ZNF267: variants seen among roughly 807,000 people sequenced by gnomAD.
The protein encoded by ZNF267 is zinc finger (C2H2).
In ZNF267, 61 loss-of-function variants were observed where a neutral mutation model predicts 71.6. That is an observed-to-expected ratio of 0.85 (90% CI 0.69 to 1.05). The LOEUF (loss-of-function observed/expected upper bound fraction) is 1.05, where lower values mean the gene tolerates loss of function less well. Among genes scored for constraint, ZNF267 ranks in the 50% least tolerant of loss-of-function variants. The pLI, the probability that ZNF267 is intolerant of heterozygous loss-of-function variation, is 0.00. For synonymous variants in ZNF267, 288 were observed against 293.2 expected, an observed-to-expected ratio of 0.98 and a Z score of 0.18; for missense variants, 852 against 870.0, an observed-to-expected ratio of 0.98 and a Z score of 0.26.
At position 31,915,148 on chromosome 16, in the gene ZNF267, A is replaced by G. The variant is rs1721582279; in HGVS notation, c.899A>G (p.Tyr300Cys). ...GAAAACTCATATAGCTATAACAAAT[A>G]TGATAAAGATCTTAGTCAGTCATCA... is the stretch of plus-strand genomic sequence containing the variant. ...IRENSYSYNK[Y>C]DKDLSQSSNL... The change falls in exon 4 of 4, where the codon TAT (tyrosine) becomes TGT (cysteine). Residue 300 changes from tyrosine (Y) to cysteine (C), a missense_variant. Coordinates refer to ENST00000300870, the MANE Select transcript of ZNF267 (RefSeq NM_003414.6). The G allele has an allele frequency of 6.2e-7, 1 of 1,613,052 alleles. No individual in the cohort carries two copies. Among genetic ancestry groups the G allele is most frequent in the African/African-American group, 1.3e-5 (1 of 74,960 alleles).
Position 31,915,348 on chromosome 16 carries a change from C to G in ZNF267, c.1099C>G (p.Leu367Val), listed in dbSNP as rs756797627. 1 of 1,613,468 alleles carries G rather than the reference C, an allele frequency of 6.2e-7. No individual in the cohort carries two copies. The highest frequency in any genetic ancestry group is 8.5e-7 in the Non-Finnish European group (1 of 1,179,806). ...CTTTAACCTTAACTGTAGTTTATAC[C>G]TTACTAAACAGCAGCAAATTGATAC... ...KVFNLNCSLY[L>V]TKQQQIDTGE... Residue 367 changes from leucine (L) to valine (V), a missense_variant, in exon 4 of 4, where the codon CTT becomes GTT. Leu to Val is a conservative substitution (Grantham distance 32). Coordinates refer to ENST00000300870, the MANE Select transcript of ZNF267 (RefSeq NM_003414.6).
At chr16:31,902,404 T>A (rs1187273965) in intron 3 of ZNF267, among the ~76,000 whole-genome samples, 2 of 152,194 alleles carry the variant, frequency 1.3e-5, no homozygotes, top group African/African-American at 4.8e-5. Context: ...ATTTTCACAA[T>A]ATTGATTCTT....
At chr16:31,893,232 C>A (rs2083973563) in intron 3 of ZNF267, among the ~76,000 whole-genome samples, 1 of 152,252 alleles carries the variant, frequency 6.6e-6, no homozygotes, top group South Asian at 2.1e-4. Context: ...GTATTGGCCC[C>A]TTTCAGCCAC....
At chr16:31,878,625 C>G (rs2083868634) in intron 1 of ZNF267, among the ~76,000 whole-genome samples, 1 of 33,388 alleles carries the variant, frequency 3.0e-5, no homozygotes, top group South Asian at 6.8e-3. Flanking sequence ...CTGCGTGGAC[C>G]CAGGGATATG....
At chr16:31,898,259 T>C (rs910193949) in intron 3 of ZNF267, among the ~76,000 whole-genome samples, 3 of 152,132 alleles carry the variant, frequency 2.0e-5, no homozygotes, top group African/African-American at 7.2e-5. Flanking sequence ...TTTGATGTAA[T>C]GTATATTTTG....
At chr16:31,909,064 CGT>C (rs58278411) in intron 3 of ZNF267, among the ~76,000 whole-genome samples, 3 of 138,456 alleles carry the variant, frequency 2.2e-5, no homozygotes, top group African/African-American at 8.3e-5. Context: ...GGATATTTTT[CGT>C]GTGTGTGTGT....
Position 31,915,699 on chromosome 16 carries a change from A to G in ZNF267, c.1450A>G (p.Arg484Gly), listed in dbSNP as rs1255351181. 1 of 1,613,744 alleles carries G rather than the reference A, an allele frequency of 6.2e-7. No homozygotes were observed. Among genetic ancestry groups the G allele is most frequent in the East Asian group, 2.2e-5 (1 of 44,866 alleles). Residue 484 changes from arginine to glycine, a missense_variant, in exon 4 of 4, where the codon AGA (arginine) becomes GGA (glycine). By Grantham distance (125) the Arg-to-Gly change is moderately radical (BLOSUM62 -2). Transcript: ENST00000300870. ...TTCTTCAAATCTTATTATGCATCAG[A>G]GAGTTCATACTGGAGAGAAGCCTTA... ...ARSSNLIMHQ[R>G]VHTGEKPYKC...
intron 3 of ZNF267, among the ~76,000 whole-genome samples, chr16:31,892,666 A>G (rs1295573373): frequency 2.0e-5 from 3 of 152,216 alleles, no homozygotes; most frequent in Non-Finnish European, 4.4e-5. Flanking sequence ...ATTGGCCAAA[A>G]CAAAGGGGCT....
At chr16:31,906,862 G>T (rs1352183339) in intron 3 of ZNF267, among the ~76,000 whole-genome samples, 2 of 151,992 alleles carry the variant, frequency 1.3e-5, no homozygotes, top group African/African-American at 4.8e-5. Flanking sequence ...CCCGTCTTCT[G>T]CGTGGCTCAG....
At chr16:31,908,658 G>T (rs555166519) in intron 3 of ZNF267, among the ~76,000 whole-genome samples, 1 of 151,498 alleles carries the variant, frequency 6.6e-6, no homozygotes, top group Non-Finnish European at 1.5e-5. Context: ...TTTAGCACTG[G>T]TTATTGAAAA....
rs554197949 is a variant in ZNF267 at position 31,883,537 on chromosome 16, G to A, written c.4-961G>A. Among the ~76,000 whole-genome samples, 104 of 152,246 alleles carry A rather than the reference G, an allele frequency of 6.8e-4. No individual in the cohort carries two copies. In the South Asian group the frequency reaches 0.013, roughly 19 times the overall value. On this transcript the variant is annotated intron_variant, in intron 1 of 3. Transcript: ENST00000300870. ...TAAGGTTGTCTCTGTATATTGGCCG[G>A]TATGTCCCTTTGAGATAAATTCTAA...
chr16:31,885,651 A>G (rs955805503), intron 3 of ZNF267, among the ~76,000 whole-genome samples: 2 of 152,202 alleles, frequency 1.3e-5, no homozygotes, highest in Non-Finnish European at 2.9e-5. Flanking sequence ...AGTGATGGAC[A>G]GTGGAATTTT....
chr16:31,904,669 C>T (rs1349105859), intron 3 of ZNF267, among the ~76,000 whole-genome samples: 2 of 152,142 alleles, frequency 1.3e-5, no homozygotes, highest in Non-Finnish European at 1.5e-5. Flanking sequence ...TATTTTGAGC[C>T]TATATGTGTC....
chr16:31,883,536 G>A (rs1057078331), intron 1 of ZNF267, among the ~76,000 whole-genome samples: 3 of 152,042 alleles, frequency 2.0e-5, no homozygotes, highest in South Asian at 2.1e-4. Flanking sequence ...TATATTGGCC[G>A]GTATGTCCCT....
intron 1 of ZNF267, among the ~76,000 whole-genome samples, chr16:31,882,783 T>C (rs561626903): frequency 6.6e-6 from 1 of 152,366 alleles, no homozygotes; most frequent in African/African-American, 2.4e-5. Flanking sequence ...TACCAATTTG[T>C]CTTATTACAG....
chr16:31,909,106 A>ATTTCT (rs2084114770), intron 3 of ZNF267, among the ~76,000 whole-genome samples: 11 of 70,836 alleles, frequency 1.6e-4, no homozygotes, highest in East Asian at 1.0e-3. Context: ...TCTATCTTCT[A>ATTTCT]TTTCTTTTCT....
At position 31,915,355 on chromosome 16, in the gene ZNF267, A is replaced by T; in HGVS notation, c.1106A>T (p.Lys369Ile). Reference sequence around the variant, plus strand: ...CTTAACTGTAGTTTATACCTTACTAAACAGCAGCAAATTGATACTGGAGAA... The same window carrying T: ...CTTAACTGTAGTTTATACCTTACTATACAGCAGCAAATTGATACTGGAGAA... ...FNLNCSLYLT[K>I]QQQIDTGENL... is the part of the protein sequence containing the mutation. Residue 369 changes from lysine (K) to isoleucine (I), a missense_variant, in exon 4 of 4, where the codon AAA becomes ATA. Lys to Ile is a moderately radical substitution (Grantham distance 102, BLOSUM62 -3). Coordinates refer to ENST00000300870, the MANE Select transcript of ZNF267 (RefSeq NM_003414.6). 6.2e-7 allele frequency: 1 copy of T among 1,613,578 alleles called. No individual in the cohort carries two copies. Among genetic ancestry groups the T allele is most frequent in the East Asian group, 2.2e-5 (1 of 44,834 alleles).
chr16:31,893,426 C>T (rs540336990), intron 3 of ZNF267, among the ~76,000 whole-genome samples: 8 of 152,330 alleles, frequency 5.3e-5, no homozygotes, highest in Admixed American at 2.6e-4. Flanking sequence ...GATTAACATT[C>T]GGCTCTTCAT....
intron 1 of ZNF267, chr16:31,875,150 A>G (rs1293022145): frequency 7.8e-7 from 1 of 1,289,168 alleles, no homozygotes; most frequent in Middle Eastern, 2.1e-4. Flanking sequence ...GAAACTTTAC[A>G]GGGCCCTGTA....
Sources: allele counts gnomAD v4.1 joint callset (sites outside exome capture counted in the v4.1 genomes callset), GRCh38; gene constraint gnomAD v4.1.1; transcripts MANE v1.5; gene names NCBI Gene and HGNC (gene_info 2026-07-23, HGNC 2026-07-21).